NEK10: variants seen among roughly 807,000 people sequenced by gnomAD.
NEK10 encodes the protein NIMA related kinase 10, also known as serine/threonine-protein kinase Nek10.
Under a neutral mutation model 159.8 loss-of-function variants are expected in NEK10, and 122 were observed. The observed-to-expected ratio is 0.76, with a 90% CI of 0.66 to 0.89. The LOEUF (loss-of-function observed/expected upper bound fraction) is 0.89. Ranked by LOEUF, NEK10 falls within the 40% of genes least tolerant of loss-of-function variation. The pLI is 0.00. For synonymous variants in NEK10, 466 were observed against 457.1 expected (o/e 1.02, Z -0.25); for missense variants, 1,342 against 1,323.1 (o/e 1.01, Z -0.22).
intron 31 of NEK10, among the ~76,000 whole-genome samples, chr3:27,135,325 C>T (rs1292008438): frequency 6.6e-6 from 1 of 152,116 alleles, no homozygotes; most frequent in Non-Finnish European, 1.5e-5. Flanking sequence ...CTCATAAGCT[C>T]CCCCATCTTA....
At chr3:27,363,555 C>G (rs1256642720) in intron 1 of NEK10, 1 of 152,104 alleles carries the variant, frequency 6.6e-6, no homozygotes, top group Non-Finnish European at 1.5e-5. Flanking sequence ...AAAAGAACAG[C>G]AAATAAGTTT....
intron 26 of NEK10, among the ~76,000 whole-genome samples, chr3:27,176,052 G>C (rs942124509): frequency 4.6e-5 from 7 of 152,086 alleles, no homozygotes; most frequent in African/African-American, 1.7e-4. Flanking sequence ...TGCAGATGAA[G>C]AAAACCTAAG....
rs144802300 is a variant in NEK10, at chr3:27,174,678, A to G, written c.2661T>C (p.Asp887=). ...DRACDEILSD[D]NFNLENAEKD... ...TCTCAGCATTTTCCAGGTTGAAGTT[A>G]TCATCTGACAGGATTTCGTCACAGG... The change falls in exon 27 of 36, where the codon GAT becomes GAC. Residue 887 remains aspartate (D), a synonymous_variant. Coordinates refer to ENST00000691995, the MANE Select transcript of NEK10 (RefSeq NM_001394966.1). 5.0e-6 allele frequency: 8 copies of G among 1,611,506 alleles called. No individual in the cohort carries two copies. The highest frequency in any genetic ancestry group is 6.8e-6 in the Non-Finnish European group (8 of 1,179,232).
intron 31 of NEK10, 66 bp downstream of exon 31, chr3:27,141,416 C>A (rs1943774350): frequency 1.7e-6 from 2 of 1,207,730 alleles, no homozygotes; most frequent in East Asian, 2.4e-5. Flanking sequence ...CAAAATAGTT[C>A]TTCAGCAATA....
chr3:27,357,026 A>T (rs2048366905), intron 1 of NEK10, among the ~76,000 whole-genome samples: 1 of 152,216 alleles, frequency 6.6e-6, no homozygotes, highest in African/African-American at 2.4e-5. Flanking sequence ...TTTAACAGTT[A>T]TTTTAAGGCT....
intron 23 of NEK10, among the ~76,000 whole-genome samples, chr3:27,210,119 G>A (rs1425547857): frequency 2.0e-5 from 3 of 152,040 alleles, no homozygotes; most frequent in African/African-American, 4.8e-5. Context: ...TCTGTTTTCC[G>A]TTTCTGTTCC....
chr3:27,280,649 G>A (rs2042089103), intron 22 of NEK10, among the ~76,000 whole-genome samples: 1 of 152,032 alleles, frequency 6.6e-6, no homozygotes, highest in South Asian at 2.1e-4. Context: ...TGATTTTGGA[G>A]TCTTCAAAGG....
chr3:27,331,262 A>AAAAAAAAACAC lies in NEK10; in HGVS notation c.363-9002_363-9001insGTGTTTTTTTT. On this transcript the variant is annotated intron_variant, in intron 5 of 35. Transcript: ENST00000691995. ...CAAAAAAAAAAAAACAAAAAAAAAAAACACACAAACCTAAGACTTTTGAGG... is the reference window on the plus strand; with the variant it reads ...CAAAAAAAAAAAAACAAAAAAAAAAAAAAAAAAACACACACACAAACCTAAGACTTTTGAGG... 6.3e-4 allele frequency among the ~76,000 whole-genome samples: 69 copies of AAAAAAAAACAC among 110,126 alleles called. 2 individuals carry two copies. The highest frequency in any genetic ancestry group is 6.8e-3 in the Middle Eastern group (1 of 148). 72.2% of individuals were successfully genotyped at this position (110,126 alleles called of 152,430 possible). A position where few individuals can be genotyped will look rare whatever the true frequency, so the allele number is the denominator to read the frequency against.
intron 3 of NEK10, among the ~76,000 whole-genome samples, chr3:27,352,201 C>T (rs758245183): frequency 2.0e-5 from 3 of 152,008 alleles, no homozygotes; most frequent in African/African-American, 2.4e-5. Flanking sequence ...GTTTACAGAC[C>T]GAAGAGGAAA....
At chr3:27,332,864 A>C (rs6551193) in intron 5 of NEK10, among the ~76,000 whole-genome samples, 19,322 of 152,186 alleles carry the variant, frequency 0.13, 3,022 homozygotes, top group African/African-American at 0.37. Context: ...AAACTCTACT[A>C]CACACAAATG....
chr3:27,133,539 C>T (rs566552534), intron 31 of NEK10, among the ~76,000 whole-genome samples: 1 of 152,296 alleles, frequency 6.6e-6, no homozygotes, highest in South Asian at 2.1e-4. Flanking sequence ...CTTTGGGAGG[C>T]CGAGGCAGGA....
intron 29 of NEK10, among the ~76,000 whole-genome samples, chr3:27,165,173 C>T (rs1946367598): frequency 6.6e-6 from 1 of 152,162 alleles, no homozygotes; most frequent in Non-Finnish European, 1.5e-5. Flanking sequence ...TTTCCACAGT[C>T]TTAGAATTTA....
intron 30 of NEK10, among the ~76,000 whole-genome samples, chr3:27,142,396 A>G (rs1170422081): frequency 1.3e-5 from 2 of 152,068 alleles, no homozygotes; most frequent in African/African-American, 2.4e-5. Flanking sequence ...GACTTCAGAT[A>G]TGTGATGTGC....
At chr3:27,322,579 T>C (rs1299179307) in intron 5 of NEK10, among the ~76,000 whole-genome samples, 1 of 152,202 alleles carries the variant, frequency 6.6e-6, no homozygotes, top group Non-Finnish European at 1.5e-5. Context: ...AGGTCTAACT[T>C]GGTAAGAATT....
rs149117558 is a variant in NEK10, at chr3:27,126,505, G to A, written c.3081+5375C>T. Among the ~76,000 whole-genome samples, 623 of 152,202 alleles carry A rather than the reference G, an allele frequency of 4.1e-3. 2 individuals are homozygous for A. Among genetic ancestry groups the A allele is most frequent in the African/African-American group, 0.014 (592 of 41,530 alleles). ...CTCAAGCCTGTTGGATATACCATAAGTTCACAGTGGGCAGGTACTATATTT... is the reference window on the plus strand; with the variant it reads ...CTCAAGCCTGTTGGATATACCATAAATTCACAGTGGGCAGGTACTATATTT... On this transcript the variant is annotated intron_variant, in intron 32 of 35. Coordinates refer to ENST00000691995, the MANE Select transcript of NEK10 (RefSeq NM_001394966.1).
In NEK10 at chr3:27,344,255, T is replaced by C; in HGVS notation, c.362+17A>G. ...GCCACTCTTCAGTAAAAGCCTGTTT[T>C]CCAGGAACAATCTTACCTGCTTATG... On this transcript the variant is annotated intron_variant, in intron 5 of 35. Transcript: ENST00000691995. 1 of 1,320,382 alleles carries C rather than the reference T, an allele frequency of 7.6e-7. No homozygotes were observed. Among genetic ancestry groups the C allele is most frequent in the Non-Finnish European group, 1.1e-6 (1 of 923,248 alleles). 81.8% of individuals were successfully genotyped at this position (1,320,382 alleles called of 1,614,324 possible).
intron 30 of NEK10, among the ~76,000 whole-genome samples, chr3:27,150,253 T>C (rs928015999): frequency 6.6e-6 from 1 of 152,168 alleles, no homozygotes; most frequent in African/African-American, 2.4e-5. Flanking sequence ...AGATAACTGA[T>C]GAAGATGGCT....
At chr3:27,349,136 A>G (rs2047783658) in intron 3 of NEK10, among the ~76,000 whole-genome samples, 1 of 151,982 alleles carries the variant, frequency 6.6e-6, no homozygotes, top group Non-Finnish European at 1.5e-5. Context: ...TTCTGCTTGC[A>G]AACTTCAACG....
intron 22 of NEK10, among the ~76,000 whole-genome samples, chr3:27,271,824 T>C (rs1481057679): frequency 6.6e-6 from 1 of 151,696 alleles, no homozygotes; most frequent in African/African-American, 2.4e-5. Context: ...AAAATGACAA[T>C]AGAAAACATT....
Sources: gnomAD v4.1 joint callset for allele counts (sites outside exome capture counted in the v4.1 genomes callset) on GRCh38, gnomAD v4.1.1 for gene constraint, MANE v1.5 for transcripts, NCBI Gene and HGNC (gene_info 2026-07-23, HGNC 2026-07-21) for gene names.